The following MEF2C variants were observed in gnomAD, a reference collection of about 807,000 sequenced individuals.
The protein encoded by MEF2C is myocyte enhancer factor 2C, also known as myocyte-specific enhancer factor 2C.
Under a neutral mutation model 50.5 loss-of-function variants are expected in MEF2C, and 6 were observed. The ratio of observed to expected loss-of-function variants is 0.12; its 90% CI spans 0.07 to 0.23. MEF2C has a LOEUF of 0.23. MEF2C is among the 10% of genes least tolerant of loss of function. MEF2C has a pLI of 1.00. For synonymous variants in MEF2C, 183 were observed against 228.0 expected, an observed-to-expected ratio of 0.80 and a Z score of 1.78; for missense variants, 276 against 605.0, an observed-to-expected ratio of 0.46 and a Z score of 5.70.
At chr5:88,819,943 C>A (rs1239656377) in intron 2 of MEF2C, among the ~76,000 whole-genome samples, 2 of 151,954 alleles carry the variant, frequency 1.3e-5, no homozygotes, top group African/African-American at 4.8e-5. Context: ...AGAGGATAAG[C>A]TGGATGAGAT....
chr5:88,859,327 C>T (rs1824665320), intron 1 of MEF2C, among the ~76,000 whole-genome samples: 2 of 152,160 alleles, frequency 1.3e-5, no homozygotes, highest in African/African-American at 4.8e-5. Context: ...TACTCAAAAG[C>T]AAGACACCCA....
At position 88,722,668 on chromosome 5, in the gene MEF2C, G is replaced by A; in HGVS notation, c.1358C>T (p.Ser453Leu). 1 of 1,613,856 alleles carries A rather than the reference G, an allele frequency of 6.2e-7. No homozygotes were observed. The change falls in exon 11 of 11, where the codon TCG (serine) becomes TTG (leucine). Residue 453 changes from serine to leucine, a missense_variant. Transcript: ENST00000504921. The part of the protein sequence containing the change: ...FHSPIGLTRP[S>L]PDERESPSVK... Reference sequence around the variant, plus strand: ...TGAGGGACTTTCCCTTTCGTCCGGCGAAGGTCTGGTGAGTCCAATGGGGGA... The same window carrying A: ...TGAGGGACTTTCCCTTTCGTCCGGCAAAGGTCTGGTGAGTCCAATGGGGGA...
At chr5:88,790,438 C>A (rs567705722) in intron 3 of MEF2C, among the ~76,000 whole-genome samples, 1 of 152,168 alleles carries the variant, frequency 6.6e-6, no homozygotes, top group Non-Finnish European at 1.5e-5. Context: ...AGCATTTTAG[C>A]AAGATACTCT....
intron 3 of MEF2C, among the ~76,000 whole-genome samples, chr5:88,797,458 T>TG (rs1796497951): frequency 7.9e-6 from 1 of 127,348 alleles, no homozygotes; most frequent in South Asian, 2.8e-4. Flanking sequence ...CCCTTGCCTT[T>TG]TTTTTTTTTT....
intron 6 of MEF2C, chr5:88,737,088 T>C (rs775233535): frequency 1.5e-5 from 15 of 984,864 alleles, no homozygotes; most frequent in Non-Finnish European, 1.8e-5. Context: ...GCTAGAAAAA[T>C]TAAGAATTAT....
At chr5:88,764,625 T>C (rs866884047) in intron 3 of MEF2C, among the ~76,000 whole-genome samples, 1 of 151,956 alleles carries the variant, frequency 6.6e-6, no homozygotes, top group Non-Finnish European at 1.5e-5. Flanking sequence ...CTGGCCAGCA[T>C]GGTGAAACCT....
chr5:88,740,414 G>A (rs936557866), intron 6 of MEF2C: 1 of 985,160 alleles, frequency 1.0e-6, no homozygotes, highest in Admixed American at 6.2e-5. Flanking sequence ...AAGTAGGTTT[G>A]TGTTGGCGAA....
intron 6 of MEF2C, chr5:88,734,583 T>TG (rs1763260449): frequency 4.2e-6 from 4 of 956,456 alleles, no homozygotes; most frequent in African/African-American, 1.8e-5. Flanking sequence ...TTTTTTTTTT[T>TG]TTTTTTTTTT....
intron 3 of MEF2C, among the ~76,000 whole-genome samples, chr5:88,795,936 T>C (rs1237146186): frequency 2.6e-5 from 4 of 152,206 alleles, no homozygotes; most frequent in Non-Finnish European, 5.9e-5. Flanking sequence ...ATGTGATGGA[T>C]TACATTTTTT....
intron 1 of MEF2C, among the ~76,000 whole-genome samples, chr5:88,899,921 T>A (rs891879535): frequency 2.0e-5 from 3 of 152,240 alleles, no homozygotes; most frequent in Non-Finnish European, 4.4e-5. Flanking sequence ...TTTAGATCAA[T>A]CCCTTGCAGG....
At chr5:88,892,035 GT>G (rs1337354716) in intron 1 of MEF2C, 1 of 152,104 alleles carries the variant, frequency 6.6e-6, no homozygotes, top group African/African-American at 2.4e-5. Flanking sequence ...TATTTTAAAA[GT>G]GTAGATTTAC....
intron 3 of MEF2C, among the ~76,000 whole-genome samples, chr5:88,799,186 G>T (rs976427552): frequency 1.3e-5 from 2 of 152,192 alleles, no homozygotes; most frequent in African/African-American, 4.8e-5. Flanking sequence ...TGGGAGATCC[G>T]CTGCTCTCTT....
chr5:88,856,473 A>G (rs550439634), intron 1 of MEF2C, among the ~76,000 whole-genome samples: 1 of 152,342 alleles, frequency 6.6e-6, no homozygotes, highest in African/African-American at 2.4e-5. Flanking sequence ...AAGAAGCCAA[A>G]TGTTAATCAC....
intron 1 of MEF2C, among the ~76,000 whole-genome samples, chr5:88,882,698 C>G (rs762648681): frequency 1.3e-5 from 2 of 152,164 alleles, no homozygotes; most frequent in Non-Finnish European, 2.9e-5. Flanking sequence ...ACTTTAAATA[C>G]ACTGGTGTGA....
Position 88,731,530 on chromosome 5 carries a change from A to T in MEF2C, c.810+199T>A, listed in dbSNP as rs45563631. On this transcript the variant is annotated intron_variant, in intron 7 of 10. Transcript: ENST00000504921. The stretch of plus-strand genomic sequence containing the variant: ...TGAAGTTCACCAGATATATATATAT[A>T]TTTTTTTTACACGGAAAAGGGAAAT... 0.018 allele frequency: 9,471 copies of T among 513,124 alleles called. 612 individuals carry two copies. Among genetic ancestry groups the T allele is most frequent in the African/African-American group, 0.16 (8,087 of 51,628 alleles). 31.8% of individuals were successfully genotyped at this position (513,124 alleles called of 1,614,324 possible). A position where few individuals can be genotyped will look rare whatever the true frequency, so the allele number is the denominator to read the frequency against.
chr5:88,889,960 C>T (rs1419791426), intron 1 of MEF2C, among the ~76,000 whole-genome samples: 1 of 152,174 alleles, frequency 6.6e-6, no homozygotes, highest in Non-Finnish European at 1.5e-5. Flanking sequence ...CCGAAGCGCT[C>T]CAACCATTTT....
chr5:88,863,718 C>T (rs1826268457), intron 1 of MEF2C, among the ~76,000 whole-genome samples: 1 of 152,150 alleles, frequency 6.6e-6, no homozygotes, highest in African/African-American at 2.4e-5. Flanking sequence ...TAACACTACA[C>T]GTACAAATGA....
intron 4 of MEF2C, among the ~76,000 whole-genome samples, chr5:88,756,415 TTTTCTG>T (rs1382265625): frequency 3.0e-4 from 46 of 152,236 alleles, no homozygotes; most frequent in African/African-American, 1.1e-3. Context: ...CGGTATTAGA[TTTTCTG>T]TTTCTGAGTT....
At position 88,734,565 on chromosome 5, in the gene MEF2C, G is replaced by GTTTTTTTT. The variant is rs66505441; in HGVS notation, c.638-2672_638-2665dup. On this transcript the variant is annotated intron_variant, in intron 6 of 10. Coordinates refer to ENST00000504921, the MANE Select transcript of MEF2C (RefSeq NM_002397.5). ...TTCACGGAGGCCTTGAGAAAAGTTT[G>GTTTTTTTT]TTTTTTTTTTTTTTTTTTTTTTTTT... is the stretch of plus-strand genomic sequence containing the variant. The GTTTTTTTT allele has an allele frequency of 2.1e-3, 1,146 of 541,158 alleles. 72 individuals carry two copies. Among genetic ancestry groups the GTTTTTTTT allele is most frequent in the Middle Eastern group, 3.5e-3 (3 of 850 alleles). 33.5% of individuals were successfully genotyped at this position (541,158 alleles called of 1,614,324 possible). A position where few individuals can be genotyped will look rare whatever the true frequency, so the allele number is the denominator to read the frequency against.
Sources: allele counts gnomAD v4.1 joint callset (sites outside exome capture counted in the v4.1 genomes callset), GRCh38; gene constraint gnomAD v4.1.1; transcripts MANE v1.5; gene names NCBI Gene and HGNC (gene_info 2026-07-23, HGNC 2026-07-21).